ADAM17: variants seen among roughly 807,000 people sequenced by gnomAD.
The protein encoded by ADAM17 is ADAM metallopeptidase domain 17, also known as disintegrin and metalloproteinase domain-containing protein 17.
Under a neutral mutation model 96.7 loss-of-function variants are expected in ADAM17, and 39 were observed. The ratio of observed to expected loss-of-function variants is 0.40; its 90% CI spans 0.31 to 0.53. ADAM17 has a LOEUF of 0.53. Among genes scored for constraint, ADAM17 ranks in the 20% least tolerant of loss-of-function variants. ADAM17 has a pLI of 0.44. For synonymous variants in ADAM17, 344 were observed against 359.2 expected, an observed-to-expected ratio of 0.96 and a Z score of 0.48; for missense variants, 777 against 1,013.2, an observed-to-expected ratio of 0.77 and a Z score of 3.17.
At chr2:9,537,550 A>G (rs991557450) in intron 2 of ADAM17, among the ~76,000 whole-genome samples, 1 of 152,000 alleles carries the variant, frequency 6.6e-6, no homozygotes, top group African/African-American at 2.4e-5. Context: ...TGGCTAACAC[A>G]GCGAAACCCC....
In ADAM17 at chr2:9,555,701, C is replaced by T; in HGVS notation, c.-96G>A. ...ACATCGGGGGAGGACGGGATCCGCC[C>T]GGCCTAGCCCCTCAATCCTCTTTTC... is the stretch of plus-strand genomic sequence containing the variant. On this transcript the variant is annotated 5_prime_UTR_variant, in exon 1 of 19. Transcript: ENST00000310823. 1 of 1,050,184 alleles carries T rather than the reference C, an allele frequency of 9.5e-7. No homozygotes were observed. Among genetic ancestry groups the T allele is most frequent in the Non-Finnish European group, 1.3e-6 (1 of 749,676 alleles). 65.1% of individuals were successfully genotyped at this position (1,050,184 alleles called of 1,614,324 possible).
At chr2:9,553,460 G>T (rs559865061) in intron 1 of ADAM17, among the ~76,000 whole-genome samples, 1 of 151,698 alleles carries the variant, frequency 6.6e-6, no homozygotes, top group African/African-American at 2.4e-5. Flanking sequence ...GATCACCTGA[G>T]GTCAGGAGTT....
At chr2:9,548,060 C>T (rs1342191756) in intron 1 of ADAM17, among the ~76,000 whole-genome samples, 6 of 150,416 alleles carry the variant, frequency 4.0e-5, no homozygotes, top group Non-Finnish European at 7.4e-5. Flanking sequence ...AGGCCAGATC[C>T]TGTCTCAAAA....
At position 9,494,963 on chromosome 2, in the gene ADAM17, G is replaced by A. The variant is rs900679439; in HGVS notation, c.1784-196C>T. 6.8e-5 allele frequency: 34 copies of A among 500,610 alleles called. 1 individual carries two copies. The highest frequency in any genetic ancestry group is 8.7e-5 in the Non-Finnish European group (26 of 297,482). The allele number at this position is 500,610 out of a possible 1,614,324, so 31.0% of individuals were successfully genotyped here. Reference sequence around the variant, plus strand: ...ACACTCCTCAGCCTTCAGTGACAGAGGCCACAAGGTTTAAAAAAAAATGCA... The same window carrying A: ...ACACTCCTCAGCCTTCAGTGACAGAAGCCACAAGGTTTAAAAAAAAATGCA... On this transcript the variant is annotated intron_variant, in intron 14 of 18. Coordinates refer to ENST00000310823, the MANE Select transcript of ADAM17 (RefSeq NM_003183.6).
At chr2:9,545,191 G>A (rs1665360477) in intron 1 of ADAM17, among the ~76,000 whole-genome samples, 1 of 152,182 alleles carries the variant, frequency 6.6e-6, no homozygotes, top group Admixed American at 6.5e-5. Flanking sequence ...CCTCAGACCT[G>A]CTCAAACAGA....
At chr2:9,513,651 G>A (rs1232042063) in intron 10 of ADAM17, among the ~76,000 whole-genome samples, 1 of 152,086 alleles carries the variant, frequency 6.6e-6, no homozygotes, top group African/African-American at 2.4e-5. Context: ...TGATGATGAT[G>A]GTTGTGATGT....
chr2:9,509,943 T>G (rs1299231445), intron 11 of ADAM17, 36 bp downstream of exon 11: 1 of 1,611,030 alleles, frequency 6.2e-7, no homozygotes, highest in East Asian at 2.2e-5. Flanking sequence ...ACAGCCTCTT[T>G]CCAAACCACA....
intron 12 of ADAM17, among the ~76,000 whole-genome samples, chr2:9,504,056 T>C (rs971322103): frequency 3.1e-4 from 46 of 150,784 alleles, no homozygotes; most frequent in African/African-American, 1.1e-3. Context: ...GAGGCTGAGG[T>C]GGAAGGACTG....
At chr2:9,523,079 G>C (rs1664375132) in intron 7 of ADAM17, among the ~76,000 whole-genome samples, 170 bp downstream of exon 7, 2 of 152,090 alleles carry the variant, frequency 1.3e-5, no homozygotes, top group South Asian at 4.1e-4. Context: ...TCACAATCTA[G>C]AACTAATTAA....
intron 11 of ADAM17, among the ~76,000 whole-genome samples, chr2:9,509,201 G>T (rs1663589769): frequency 1.3e-5 from 2 of 152,166 alleles, no homozygotes; most frequent in African/African-American, 4.8e-5. Flanking sequence ...ACTCCTTTAA[G>T]CTCTCCCCAC....
At chr2:9,513,838 C>T (rs988403026) in intron 10 of ADAM17, among the ~76,000 whole-genome samples, 6 of 151,876 alleles carry the variant, frequency 4.0e-5, no homozygotes, top group African/African-American at 1.5e-4. Context: ...ATGAAGAAAC[C>T]CCATCTCTAC....
intron 1 of ADAM17, among the ~76,000 whole-genome samples, chr2:9,553,093 AG>A (rs1232542193): frequency 2.0e-5 from 3 of 152,226 alleles, no homozygotes; most frequent in Non-Finnish European, 2.9e-5. Context: ...ATTCTTCAAA[AG>A]AAAAATACCC....
intron 1 of ADAM17, among the ~76,000 whole-genome samples, chr2:9,553,440 G>A (rs1157663757): frequency 6.6e-6 from 1 of 151,358 alleles, no homozygotes; most frequent in Non-Finnish European, 1.5e-5. Flanking sequence ...TTGGGAGGCC[G>A]AGGTGTGCTG....
intron 12 of ADAM17, among the ~76,000 whole-genome samples, chr2:9,504,556 G>T (rs1228191730): frequency 6.6e-6 from 1 of 152,104 alleles, no homozygotes; most frequent in Non-Finnish European, 1.5e-5. Context: ...CACAAGGTCA[G>T]GAGTTGGAGA....
intron 10 of ADAM17, among the ~76,000 whole-genome samples, chr2:9,516,395 G>C (rs953881214): frequency 1.3e-5 from 2 of 152,060 alleles, no homozygotes; most frequent in Admixed American, 1.3e-4. Context: ...CGGCCTCTTT[G>C]TATATTTCAG....
At chr2:9,523,668 A>G (rs539251061) in intron 6 of ADAM17, among the ~76,000 whole-genome samples, 74 of 152,286 alleles carry the variant, frequency 4.9e-4, no homozygotes, top group African/African-American at 1.7e-3. Flanking sequence ...TTAAAAGTCA[A>G]TCAGTATACC....
chr2:9,492,905 T>A lies in ADAM17; in HGVS notation c.2075A>T (p.His692Leu). 6.2e-7 allele frequency: 1 copy of A among 1,610,946 alleles called. No homozygotes were observed. Among genetic ancestry groups the A allele is most frequent in the Non-Finnish European group, 8.5e-7 (1 of 1,178,154 alleles). The change falls in exon 17 of 19, where the codon CAT (histidine) becomes CTT (leucine). Residue 692 changes from histidine (H) to leucine (L), a missense_variant. Physicochemically the swap from His to Leu is moderately conservative, Grantham distance 99. This residue lies in a region of ADAM17 where 197 missense variants were observed against 219.4 expected (regional missense o/e 0.90). Coordinates refer to ENST00000310823, the MANE Select transcript of ADAM17 (RefSeq NM_003183.6). ...TAAAAGTTGATGACTTACCACACAA[T>A]GGACAAGAATGCTGAAAGGAATCCA... The part of the protein sequence containing the change: ...IFWIPFSILV[H>L]CVDKKLDKQY...
intron 4 of ADAM17, among the ~76,000 whole-genome samples, chr2:9,528,775 C>T (rs148211628): frequency 6.6e-6 from 1 of 152,284 alleles, no homozygotes; most frequent in Non-Finnish European, 1.5e-5. Flanking sequence ...CCTGTATACC[C>T]ACTAGGATGA....
rs143961566 is a variant in ADAM17, at chr2:9,505,400, A to C, written c.1345-35T>G. 1,054 of 1,567,424 alleles carry C rather than the reference A, an allele frequency of 6.7e-4. 5 individuals carry two copies. In the African/African-American group the frequency reaches 0.011, roughly 17 times the overall value. Reference sequence around the variant, plus strand: ...AAAAAGGCAATAAGGACCCAAAATAATATCATAAAAATGTATTCCCATGCA... The same window carrying C: ...AAAAAGGCAATAAGGACCCAAAATACTATCATAAAAATGTATTCCCATGCA... On this transcript the variant is annotated intron_variant, in intron 11 of 18. Transcript: ENST00000310823.
Sources: allele counts gnomAD v4.1 joint callset (sites outside exome capture counted in the v4.1 genomes callset), GRCh38; gene constraint gnomAD v4.1.1; regional missense constraint gnomAD v4.1.1; transcripts MANE v1.5; gene names NCBI Gene and HGNC (gene_info 2026-07-23, HGNC 2026-07-21).